GALNT13: variants seen among roughly 807,000 people sequenced by gnomAD.
GALNT13 encodes polypeptide N-acetylgalactosaminyltransferase 13.
Under a neutral mutation model 64.2 loss-of-function variants are expected in GALNT13, and 28 were observed. That is an observed-to-expected ratio of 0.44 (90% CI 0.32 to 0.60). GALNT13 has a LOEUF of 0.60. GALNT13 is among the 20% of genes least tolerant of loss of function. The pLI is 0.05. For synonymous variants in GALNT13, 214 were observed against 224.6 expected (o/e 0.95, Z 0.42); for missense variants, 577 against 669.8 (o/e 0.86, Z 1.53).
intron 3 of GALNT13, among the ~76,000 whole-genome samples, chr2:154,095,704 T>A (rs2105449972): frequency 6.6e-6 from 1 of 152,158 alleles, no homozygotes; most frequent in Non-Finnish European, 1.5e-5. Context: ...CTAAGCTTAA[T>A]AAGTAATTGC....
chr2:153,580,563 G>T, the GALNT13 span, among the ~76,000 whole-genome samples: 9 of 152,272 alleles, frequency 5.9e-5, no homozygotes, highest in South Asian at 1.0e-3. Context: ...GACACATGAG[G>T]ATGGAGAGAG....
chr2:153,723,494 G>A, the GALNT13 span, among the ~76,000 whole-genome samples: 45 of 149,186 alleles, frequency 3.0e-4, no homozygotes, highest in Middle Eastern at 3.4e-3. Context: ...TATTCAATTA[G>A]GAAAAGAGGA....
intron 3 of GALNT13, among the ~76,000 whole-genome samples, chr2:153,965,031 AT>A (rs1558878540): frequency 6.6e-6 from 1 of 152,114 alleles, no homozygotes; most frequent in East Asian, 1.9e-4. Flanking sequence ...AATGTGATGA[AT>A]TTTTTATGTA....
the GALNT13 span, among the ~76,000 whole-genome samples, chr2:153,118,132 CA>C: frequency 6.7e-6 from 1 of 150,242 alleles, no homozygotes; most frequent in African/African-American, 2.5e-5. Context: ...CACACACACA[CA>C]CACACACACA....
chr2:153,725,939 A>G, the GALNT13 span, among the ~76,000 whole-genome samples: 9 of 152,140 alleles, frequency 5.9e-5, no homozygotes, highest in African/African-American at 1.9e-4. Context: ...TATGCTTTTA[A>G]TATTTTTTCG....
chr2:153,187,198 A>C, the GALNT13 span, among the ~76,000 whole-genome samples: 1 of 152,218 alleles, frequency 6.6e-6, no homozygotes, highest in South Asian at 2.1e-4. Context: ...CATCATAGAC[A>C]AACCCTTTTA....
At chr2:153,483,410 C>CTTTTTTTTT in the GALNT13 span, among the ~76,000 whole-genome samples, 1 of 71,776 alleles carries the variant, frequency 1.4e-5, no homozygotes. Context: ...GAATAAAATT[C>CTTTTTTTTT]TTTTTTTTTT....
intron 3 of GALNT13, among the ~76,000 whole-genome samples, chr2:154,125,269 G>C (rs1682191599): frequency 6.6e-6 from 1 of 152,128 alleles, no homozygotes; most frequent in Non-Finnish European, 1.5e-5. Context: ...TATCAGAGAA[G>C]AAAATGAAAA....
intron 9 of GALNT13, among the ~76,000 whole-genome samples, chr2:154,389,550 T>C (rs577568853): frequency 5.3e-5 from 8 of 152,322 alleles, no homozygotes; most frequent in Non-Finnish European, 1.2e-4. Flanking sequence ...TTTCTTCAGG[T>C]ACTTTGATTT....
intron 8 of GALNT13, among the ~76,000 whole-genome samples, chr2:154,266,345 G>A (rs970082058): frequency 2.6e-5 from 4 of 151,994 alleles, no homozygotes; most frequent in African/African-American, 9.7e-5. Context: ...AATTCCAGAA[G>A]ACAAGATTAT....
chr2:154,065,998 A>G (rs115846153), intron 3 of GALNT13, among the ~76,000 whole-genome samples: 94 of 152,362 alleles, frequency 6.2e-4, no homozygotes, highest in African/African-American at 1.8e-3. Flanking sequence ...AAAGAATTTA[A>G]AATCCTATGA....
chr2:153,517,131 G>T, the GALNT13 span, among the ~76,000 whole-genome samples: 1 of 152,034 alleles, frequency 6.6e-6, no homozygotes. Context: ...GTAGTAGGTG[G>T]GTTAGTCTAT....
chr2:153,072,868 AT>A, the GALNT13 span, among the ~76,000 whole-genome samples: 3 of 152,084 alleles, frequency 2.0e-5, no homozygotes, highest in African/African-American at 7.2e-5. Context: ...TTCCTTTTTT[AT>A]TCTTTGTTGT....
chr2:153,899,862 A>G (rs1251708749), intron 1 of GALNT13, among the ~76,000 whole-genome samples: 1 of 150,744 alleles, frequency 6.6e-6, no homozygotes, highest in Non-Finnish European at 1.5e-5. Flanking sequence ...TATTGTTCAT[A>G]GTCTGTCTGA....
the GALNT13 span, among the ~76,000 whole-genome samples, chr2:153,806,429 A>G: frequency 6.6e-6 from 1 of 152,192 alleles, no homozygotes; most frequent in South Asian, 2.1e-4. Context: ...AACAGAGGAG[A>G]AGCGTGTCTC....
the GALNT13 span, among the ~76,000 whole-genome samples, chr2:153,605,383 G>A: frequency 6.6e-6 from 1 of 152,002 alleles, no homozygotes; most frequent in African/African-American, 2.4e-5. Context: ...CTTCTGAAAT[G>A]TCCTGTTTTC....
At chr2:153,486,001 G>A in the GALNT13 span, among the ~76,000 whole-genome samples, 19 of 152,074 alleles carry the variant, frequency 1.2e-4, 1 homozygote, top group Admixed American at 1.2e-3. Flanking sequence ...GCAATGGCAT[G>A]ATCTCAGCTT....
At chr2:153,278,674 A>G in the GALNT13 span, among the ~76,000 whole-genome samples, 1 of 151,922 alleles carries the variant, frequency 6.6e-6, no homozygotes, top group Non-Finnish European at 1.5e-5. Context: ...GTGTACAGCT[A>G]TATTTCTGGG....
chr2:153,943,007 T>C (rs1352941212), intron 2 of GALNT13, among the ~76,000 whole-genome samples: 1 of 152,192 alleles, frequency 6.6e-6, no homozygotes, highest in African/African-American at 2.4e-5. Context: ...TCATCACTTA[T>C]CTTATTCACA....
Sources: allele counts gnomAD v4.1 joint callset (sites outside exome capture counted in the v4.1 genomes callset), GRCh38; gene constraint gnomAD v4.1.1; transcripts MANE v1.5; gene names NCBI Gene and HGNC (gene_info 2026-07-23, HGNC 2026-07-21).